THNSL1: variants seen among roughly 807,000 people sequenced by gnomAD.
The protein encoded by THNSL1 is threonine synthase like 1.
In THNSL1, 48 loss-of-function variants were observed where a neutral mutation model predicts 50.4. That is an observed-to-expected ratio of 0.95 (90% CI 0.76 to 1.21). THNSL1 has a LOEUF of 1.21. Among genes scored for constraint, THNSL1 ranks in the 50% most tolerant of loss-of-function variants. THNSL1 has a pLI of 0.00. For synonymous variants in THNSL1, 309 were observed against 306.1 expected (o/e 1.01, Z -0.10); for missense variants, 896 against 871.7 (o/e 1.03, Z -0.35).
At chr10:24,988,628 T>A in the THNSL1 span, among the ~76,000 whole-genome samples, 6 of 137,988 alleles carry the variant, frequency 4.3e-5, no homozygotes, top group South Asian at 9.2e-4. Context: ...TTATAGATCT[T>A]TAGCTGGCCT....
At chr10:25,019,972 T>C (rs1850684984) in intron 1 of THNSL1, among the ~76,000 whole-genome samples, 1 of 152,194 alleles carries the variant, frequency 6.6e-6, no homozygotes. Context: ...GAGTGGCCAT[T>C]GCAGCAGACG....
the THNSL1 span, among the ~76,000 whole-genome samples, chr10:24,992,501 G>C: frequency 6.6e-6 from 1 of 152,090 alleles, no homozygotes; most frequent in Non-Finnish European, 1.5e-5. Context: ...GCCCTGAATT[G>C]CTCAGTGTCA....
chr10:24,999,966 T>C, the THNSL1 span, among the ~76,000 whole-genome samples: 1 of 152,192 alleles, frequency 6.6e-6, no homozygotes, highest in Non-Finnish European at 1.5e-5. Context: ...TTCAATGATA[T>C]CTGTGCTTAT....
At chr10:24,975,838 C>T in the THNSL1 span, among the ~76,000 whole-genome samples, 1 of 152,174 alleles carries the variant, frequency 6.6e-6, no homozygotes, top group Non-Finnish European at 1.5e-5. Flanking sequence ...TTAGGTAATA[C>T]AATAGCTACA....
chr10:24,999,629 TTTTAA>T, the THNSL1 span: 1 of 1,219,484 alleles, frequency 8.2e-7, no homozygotes, highest in Non-Finnish European at 1.2e-6. Flanking sequence ...AATCTTACAT[TTTTAA>T]TTTATTTAAG....
chr10:24,971,812 T>C, the THNSL1 span, among the ~76,000 whole-genome samples: 1 of 152,246 alleles, frequency 6.6e-6, no homozygotes, highest in Admixed American at 6.5e-5. Context: ...TGCAACATCA[T>C]GCACAGAGGA....
chr10:24,984,886 T>A, the THNSL1 span: 1 of 1,612,722 alleles, frequency 6.2e-7, no homozygotes, highest in Non-Finnish European at 8.5e-7. Context: ...ATGCACCTCT[T>A]CCCAGTTCTT....
At chr10:25,015,892 G>T (rs754845523), upstream of THNSL1, 161 of 1,607,112 alleles carry the variant, frequency 1.0e-4, no homozygotes, top group Non-Finnish European at 8.9e-5. Flanking sequence ...TCAAGTCACT[G>T]GGTATGAGGT....
chr10:24,995,950 ACC>A, the THNSL1 span: 1 of 1,156,458 alleles, frequency 8.6e-7, no homozygotes, highest in Non-Finnish European at 1.2e-6. Flanking sequence ...CAGATATTTC[ACC>A]ACTTGTATAT....
chr10:24,959,996 T>A, the THNSL1 span, among the ~76,000 whole-genome samples: 1 of 152,200 alleles, frequency 6.6e-6, no homozygotes, highest in African/African-American at 2.4e-5. Flanking sequence ...AACTTGGTGT[T>A]TTCCTAGAAG....
At position 25,024,855 on chromosome 10, in the gene THNSL1, A is replaced by C; in HGVS notation, c.1632A>C (p.Ile544=). Residue 544 remains isoleucine, a synonymous_variant, in exon 3 of 3, where the codon ATA becomes ATC. Transcript: ENST00000376356. Reference sequence around the variant, plus strand: ...AGAACCATGTTTTGACTGATTTTATAAAAACAGGACATTATGATCTAAGGG... The same window carrying C: ...AGAACCATGTTTTGACTGATTTTATCAAAACAGGACATTATGATCTAAGGG... The part of the protein sequence containing the change: ...SNQNHVLTDF[I]KTGHYDLRER... 1 of 1,614,128 alleles carries C rather than the reference A, an allele frequency of 6.2e-7. No homozygotes were observed. Among genetic ancestry groups the C allele is most frequent in the Non-Finnish European group, 8.5e-7 (1 of 1,180,034 alleles).
At chr10:24,972,277 G>A in the THNSL1 span, among the ~76,000 whole-genome samples, 1 of 151,440 alleles carries the variant, frequency 6.6e-6, no homozygotes, top group Non-Finnish European at 1.5e-5. Context: ...GGAGGTTGAG[G>A]CAGGCGGATC....
chr10:25,024,352 G>A lies in THNSL1; in HGVS notation c.1129G>A (p.Ala377Thr), dbSNP rs1323865233. Residue 377 changes from alanine (A) to threonine (T), a missense_variant, in exon 3 of 3, where the codon GCT becomes ACT. Physicochemically the swap from Ala to Thr is moderately conservative, Grantham distance 58. Coordinates refer to ENST00000376356, the MANE Select transcript of THNSL1 (RefSeq NM_024838.5). ...PPSCNYMILV[A>T]TSGDTGSAVL... Reference sequence around the variant, plus strand: ...AAGTTGCAATTATATGATACTTGTAGCTACTTCAGGAGACACAGGGAGTGC... The same window carrying A: ...AAGTTGCAATTATATGATACTTGTAACTACTTCAGGAGACACAGGGAGTGC... The A allele has an allele frequency of 1.2e-6, 2 of 1,614,066 alleles. No individual in the cohort carries two copies. Among genetic ancestry groups the A allele is most frequent in the South Asian group, 2.2e-5 (2 of 91,092 alleles).
the THNSL1 span, among the ~76,000 whole-genome samples, chr10:24,990,258 ATAT>A: frequency 6.6e-6 from 1 of 152,362 alleles, no homozygotes; most frequent in Admixed American, 6.5e-5. Flanking sequence ...TGGAAATAAA[ATAT>A]TATTAAATGA....
the THNSL1 span, among the ~76,000 whole-genome samples, chr10:25,002,092 G>C: frequency 6.6e-6 from 1 of 152,100 alleles, no homozygotes; most frequent in Non-Finnish European, 1.5e-5. Context: ...AATTCCACAA[G>C]TGCTTTTAGT....
At position 25,023,229 on chromosome 10, in the gene THNSL1, C is replaced by T; in HGVS notation, c.6C>T (p.Leu2=). 1 of 1,606,668 alleles carries T rather than the reference C, an allele frequency of 6.2e-7. No homozygotes were observed. Among genetic ancestry groups the T allele is most frequent in the Non-Finnish European group, 8.5e-7 (1 of 1,175,616 alleles). ...GGCAGAAAAGTGAAAAGAGAATGCTCCACTTTAACCGATGTCATCATCTGA... is the reference window on the plus strand; with the variant it reads ...GGCAGAAAAGTGAAAAGAGAATGCTTCACTTTAACCGATGTCATCATCTGA... M[L]HFNRCHHLKK... Residue 2 remains leucine (L), a synonymous_variant, in exon 3 of 3, where the codon CTC becomes CTT. Coordinates refer to ENST00000376356, the MANE Select transcript of THNSL1 (RefSeq NM_024838.5).
chr10:24,967,588 C>A, the THNSL1 span, among the ~76,000 whole-genome samples: 1 of 152,052 alleles, frequency 6.6e-6, no homozygotes, highest in Non-Finnish European at 1.5e-5. Context: ...TCGCTGTAAT[C>A]CTGACCCTCC....
the THNSL1 span, among the ~76,000 whole-genome samples, chr10:24,991,416 C>A: frequency 1.3e-5 from 2 of 151,996 alleles, no homozygotes; most frequent in East Asian, 1.9e-4. Flanking sequence ...CCCCGAGACC[C>A]TAGCAGGCAG....
chr10:24,975,754 T>C, the THNSL1 span, among the ~76,000 whole-genome samples: 1 of 152,202 alleles, frequency 6.6e-6, no homozygotes, highest in East Asian at 1.9e-4. Flanking sequence ...ATTAAACCTC[T>C]TCACTTTATA....
Sources: allele counts gnomAD v4.1 joint callset (sites outside exome capture counted in the v4.1 genomes callset), GRCh38; gene constraint gnomAD v4.1.1; transcripts MANE v1.5; gene names NCBI Gene and HGNC (gene_info 2026-07-23, HGNC 2026-07-21).